SLC9A8: variants seen among roughly 807,000 people sequenced by gnomAD.
The protein encoded by SLC9A8 is sodium/hydrogen exchanger 8.
In SLC9A8, 48 loss-of-function variants were observed where a neutral mutation model predicts 66.6. The ratio of observed to expected loss-of-function variants is 0.72; its 90% CI spans 0.57 to 0.92. SLC9A8 has a LOEUF of 0.92. Among genes scored for constraint, SLC9A8 ranks in the 40% least tolerant of loss-of-function variants. The pLI is 0.00. For synonymous variants in SLC9A8, 274 were observed against 282.6 expected (o/e 0.97, Z 0.31); for missense variants, 599 against 747.3 (o/e 0.80, Z 2.31).
chr20:49,819,389 G>C (rs750357332), intron 2 of SLC9A8, among the ~76,000 whole-genome samples: 3 of 152,048 alleles, frequency 2.0e-5, no homozygotes, highest in African/African-American at 7.2e-5. Context: ...ATGTATATTC[G>C]TAAGTACATG....
At chr20:49,867,525 G>A (rs770338131) in intron 10 of SLC9A8, among the ~76,000 whole-genome samples, 59 of 152,016 alleles carry the variant, frequency 3.9e-4, no homozygotes, top group Admixed American at 1.3e-4. Context: ...TGTTTCATCC[G>A]ACATATTTAC....
intron 6 of SLC9A8, among the ~76,000 whole-genome samples, 195 bp downstream of exon 6, chr20:49,849,875 AC>A (rs779640858): frequency 5.3e-5 from 8 of 152,282 alleles, no homozygotes; most frequent in Non-Finnish European, 8.8e-5. Flanking sequence ...GTCCTCCAAG[AC>A]CTTTGGTATC....
rs947354715 is a variant in SLC9A8, at chr20:49,886,780, C to T, written c.1520C>T (p.Ser507Leu). The T allele has an allele frequency of 2.5e-6, 4 of 1,614,086 alleles. No homozygotes were observed. The highest frequency in any genetic ancestry group is 1.7e-5 in the Admixed American group (1 of 60,018). ...MGNTVESEHLSELTEEEYEAH... is the reference protein window; with the variant it reads ...MGNTVESEHLLELTEEEYEAH... ...AACACTGTGGAGTCGGAGCACCTGTCGGAGCTCACGGAGGAGGAGTACGAG... is the reference window on the plus strand; with the variant it reads ...AACACTGTGGAGTCGGAGCACCTGTTGGAGCTCACGGAGGAGGAGTACGAG... The change falls in exon 15 of 16, where the codon TCG becomes TTG. Residue 507 changes from serine to leucine, a missense_variant. Coordinates refer to ENST00000361573, the MANE Select transcript of SLC9A8 (RefSeq NM_015266.3). The surrounding 1 kb of genome is among the most constrained non-coding windows in gnomAD (Gnocchi z 4.8).
intron 3 of SLC9A8, among the ~76,000 whole-genome samples, chr20:49,823,343 A>AG (rs924175148): frequency 3.3e-5 from 5 of 152,122 alleles, no homozygotes; most frequent in African/African-American, 1.2e-4. Flanking sequence ...GACCTCCTAA[A>AG]GGTCATGTAG....
intron 3 of SLC9A8, among the ~76,000 whole-genome samples, chr20:49,834,310 GTGTGTATATATATATATAC>G (rs1568812393): frequency 3.5e-5 from 4 of 114,698 alleles, no homozygotes; most frequent in East Asian, 2.3e-4. Flanking sequence ...TATATATACA[GTGTGTATATATATATATAC>G]TGTGTATATA....
At chr20:49,858,890 G>A (rs991579504) in intron 8 of SLC9A8, among the ~76,000 whole-genome samples, 5 of 151,532 alleles carry the variant, frequency 3.3e-5, no homozygotes, top group African/African-American at 7.3e-5. Flanking sequence ...CCTGGGAGGC[G>A]GAGGTTGTAG....
intron 5 of SLC9A8, among the ~76,000 whole-genome samples, chr20:49,848,324 A>G (rs2088097457): frequency 6.6e-6 from 1 of 152,338 alleles, no homozygotes; most frequent in East Asian, 1.9e-4. Context: ...GTGTTTTAAA[A>G]TTCTTTGTGC....
intron 3 of SLC9A8, 61 bp from the exon 4 acceptor site, chr20:49,839,480 A>C: frequency 8.4e-7 from 1 of 1,194,518 alleles, no homozygotes; most frequent in Middle Eastern, 2.2e-4. Context: ...GTCATGTCTT[A>C]AATTTGAGTA....
chr20:49,850,564 A>T (rs1043844337), intron 6 of SLC9A8, among the ~76,000 whole-genome samples: 1 of 152,216 alleles, frequency 6.6e-6, no homozygotes, highest in Admixed American at 6.5e-5. Context: ...AGTAAGAATA[A>T]ACTTAAGGAA....
At chr20:49,815,928 T>G (rs2086533044) in intron 2 of SLC9A8, among the ~76,000 whole-genome samples, 1 of 152,102 alleles carries the variant, frequency 6.6e-6, no homozygotes, top group African/African-American at 2.4e-5. Context: ...TGTTCATATT[T>G]ATTTGACTTC....
intron 10 of SLC9A8, among the ~76,000 whole-genome samples, chr20:49,869,343 C>T (rs748295904): frequency 7.9e-5 from 12 of 152,022 alleles, no homozygotes; most frequent in African/African-American, 9.7e-5. Flanking sequence ...CTCAGCCTTC[C>T]GAGTAGCTGG....
At chr20:49,869,206 A>G (rs2089093660) in intron 10 of SLC9A8, among the ~76,000 whole-genome samples, 1 of 151,952 alleles carries the variant, frequency 6.6e-6, no homozygotes. Context: ...TAATCATGAG[A>G]TAACACTTTC....
intron 5 of SLC9A8, among the ~76,000 whole-genome samples, chr20:49,847,400 T>TA (rs1165762396): frequency 2.1e-5 from 3 of 145,898 alleles, no homozygotes; most frequent in Non-Finnish European, 4.6e-5. Flanking sequence ...TTTTTTTTTT[T>TA]AGAGGGGAGA....
intron 3 of SLC9A8, among the ~76,000 whole-genome samples, chr20:49,826,162 A>G (rs960394959): frequency 3.3e-5 from 5 of 152,236 alleles, no homozygotes; most frequent in Non-Finnish European, 7.3e-5. Flanking sequence ...TTCCAGGGAG[A>G]GTGCTGAGGT....
intron 11 of SLC9A8, among the ~76,000 whole-genome samples, chr20:49,875,861 A>G (rs1432054274): frequency 6.6e-6 from 1 of 151,718 alleles, no homozygotes; most frequent in African/African-American, 2.4e-5. Context: ...CAGCCTCCGG[A>G]GTAGCTGGGA....
At chr20:49,828,282 A>G (rs931579992) in intron 3 of SLC9A8, among the ~76,000 whole-genome samples, 1 of 151,710 alleles carries the variant, frequency 6.6e-6, no homozygotes, top group Admixed American at 6.6e-5. Context: ...GGGTTTCACC[A>G]TGTTAGCCAG....
chr20:49,871,579 G>A (rs1369846115), intron 10 of SLC9A8, among the ~76,000 whole-genome samples: 3 of 152,198 alleles, frequency 2.0e-5, no homozygotes, highest in Non-Finnish European at 4.4e-5. Context: ...TCCACTGGCC[G>A]CAGATGAGGG....
At chr20:49,878,571 T>C (rs540323109) in intron 12 of SLC9A8, among the ~76,000 whole-genome samples, 1 of 152,240 alleles carries the variant, frequency 6.6e-6, no homozygotes, top group Non-Finnish European at 1.5e-5. Context: ...TCTATTTATA[T>C]TTGTCTATTT....
At chr20:49,834,419 T>TGA (rs2087426510) in intron 3 of SLC9A8, among the ~76,000 whole-genome samples, 1 of 37,136 alleles carries the variant, frequency 2.7e-5, no homozygotes, top group African/African-American at 1.4e-4. Context: ...ATATATATAC[T>TGA]GTATATATAT....
Sources: gnomAD v4.1 joint callset for allele counts (sites outside exome capture counted in the v4.1 genomes callset) on GRCh38, gnomAD v4.1.1 for gene constraint, Gnocchi (gnomAD v3.1) non-coding constraint, MANE v1.5 for transcripts, NCBI Gene and HGNC (gene_info 2026-07-23, HGNC 2026-07-21) for gene names.